Variants in ZNF883 observed in about 807,000 individuals in gnomAD.
The protein encoded by ZNF883 is zinc finger protein 883.
At chr9:112,997,312 T>G (rs1272370807) in exon 1 of ZNF883, 1 of 1,614,056 alleles carries the variant, frequency 6.2e-7, no homozygotes, top group African/African-American at 1.3e-5. Context: ...GTTTCTCTCC[T>G]GTATGCGTCC....
At chr9:113,010,181 TGAAA>T (rs752142759) in intron 2 of ZNF883, among the ~76,000 whole-genome samples, 28 of 152,116 alleles carry the variant, frequency 1.8e-4, no homozygotes, top group African/African-American at 5.8e-4. Context: ...ATTCAGTGAG[TGAAA>T]GAAAGAAAAT....
intron 2 of ZNF883, among the ~76,000 whole-genome samples, chr9:113,009,038 C>G (rs920125488): frequency 5.3e-5 from 8 of 152,098 alleles, no homozygotes; most frequent in Non-Finnish European, 1.0e-4. Flanking sequence ...CATCTTTCAC[C>G]TGGATGATTG....
intron 2 of ZNF883, among the ~76,000 whole-genome samples, chr9:113,009,242 C>T (rs1325875900): frequency 6.6e-6 from 1 of 152,140 alleles, no homozygotes; most frequent in Non-Finnish European, 1.5e-5. Flanking sequence ...CCATCACCTC[C>T]TACGTTTTCT....
At chr9:112,998,109 T>C in exon 1 of ZNF883, 3 of 1,613,922 alleles carry the variant, frequency 1.9e-6, no homozygotes, top group Non-Finnish European at 2.5e-6. Context: ...CTGTTCCGGG[T>C]AAAGGACTTA....
chr9:112,995,218 G>C (rs867698369), downstream of ZNF883, among the ~76,000 whole-genome samples: 2 of 152,252 alleles, frequency 1.3e-5, no homozygotes, highest in African/African-American at 2.4e-5. Flanking sequence ...CTGAGTAAGA[G>C]ACTTCTCTCC....
intron 2 of ZNF883, among the ~76,000 whole-genome samples, chr9:113,004,360 G>A (rs1828455621): frequency 6.6e-6 from 1 of 152,132 alleles, no homozygotes; most frequent in African/African-American, 2.4e-5. Flanking sequence ...GGAGACAAAT[G>A]CATACTCCAA....
intron 2 of ZNF883, among the ~76,000 whole-genome samples, chr9:113,010,479 C>A (rs959983767): frequency 5.0e-4 from 76 of 152,316 alleles, no homozygotes; most frequent in African/African-American, 1.8e-3. Flanking sequence ...GTTGTATACA[C>A]ATTACATGTG....
intron 2 of ZNF883, among the ~76,000 whole-genome samples, chr9:113,004,394 A>G (rs988007309): frequency 3.3e-5 from 5 of 152,204 alleles, no homozygotes; most frequent in African/African-American, 1.2e-4. Flanking sequence ...ACTTTAGCTA[A>G]GAACTAAATG....
intron 1 of ZNF883, among the ~76,000 whole-genome samples, chr9:112,991,472 T>C (rs935097080): frequency 3.7e-5 from 5 of 134,028 alleles, no homozygotes; most frequent in Middle Eastern, 3.7e-3. Flanking sequence ...TTTCAGTTCT[T>C]CTGCATTTAC....
upstream of ZNF883, among the ~76,000 whole-genome samples, chr9:113,002,370 C>T (rs564282131): frequency 7.2e-5 from 11 of 151,766 alleles, no homozygotes; most frequent in African/African-American, 1.9e-4. Flanking sequence ...GAAAATATAA[C>T]TAAATGTAAC....
chr9:112,990,879 T>C (rs2118596868), intron 1 of ZNF883, among the ~76,000 whole-genome samples: 1 of 152,146 alleles, frequency 6.6e-6, no homozygotes, highest in East Asian at 1.9e-4. Context: ...ATTTCTTCTA[T>C]ATTTCTAGCT....
chr9:112,995,481 CCCTG>C (rs898870715), downstream of ZNF883, among the ~76,000 whole-genome samples: 3 of 151,908 alleles, frequency 2.0e-5, no homozygotes, highest in Non-Finnish European at 4.4e-5. Context: ...CTCCCTTCCT[CCCTG>C]CCTTTCTCTC....
upstream of ZNF883, among the ~76,000 whole-genome samples, chr9:113,000,608 G>A (rs946220412): frequency 2.0e-5 from 3 of 152,092 alleles, no homozygotes; most frequent in Non-Finnish European, 4.4e-5. Context: ...AGATTATAGG[G>A]AATTTTTACA....
intron 1 of ZNF883, among the ~76,000 whole-genome samples, chr9:112,991,390 G>A (rs910720408): frequency 4.4e-4 from 67 of 152,216 alleles, no homozygotes; most frequent in African/African-American, 1.6e-3. Context: ...GTAGTTGTGT[G>A]GTTTTGAGTG....
Position 112,997,887 on chromosome 9 carries a change from A to G in ZNF883, n.373T>C, listed in dbSNP as rs1356255846. 6.2e-6 allele frequency: 10 copies of G among 1,613,894 alleles called. No homozygotes were observed. In the Middle Eastern group the frequency reaches 4.9e-4, roughly 80 times the overall value. On this transcript the variant is annotated non_coding_transcript_exon_variant, in exon 1 of 1. Coordinates refer to ENST00000639662, the Ensembl canonical transcript of ZNF883. The stretch of plus-strand genomic sequence containing the variant: ...GCTTTCCCACATTCATTACAAGGAT[A>G]GGGTTTTTCTCCAGTATGGATTCTC...
At chr9:113,002,462 A>T (rs995654635), upstream of ZNF883, among the ~76,000 whole-genome samples, 3 of 152,130 alleles carry the variant, frequency 2.0e-5, no homozygotes, top group African/African-American at 7.2e-5. Context: ...ACTACAGTTA[A>T]TAATAATGTA....
upstream of ZNF883, among the ~76,000 whole-genome samples, chr9:113,002,918 A>C (rs1828440303): frequency 6.6e-6 from 1 of 152,164 alleles, no homozygotes. Context: ...GTTCACTGCA[A>C]CAAGGCACCA....
intron 1 of ZNF883, among the ~76,000 whole-genome samples, chr9:112,988,869 A>G (rs1251542384): frequency 1.4e-5 from 2 of 147,952 alleles, no homozygotes; most frequent in African/African-American, 2.5e-5. Context: ...TTTGATTTGC[A>G]TTTCTCTAAT....
At chr9:112,997,635 A>G (rs1306921059) in exon 1 of ZNF883, 6 of 1,613,698 alleles carry the variant, frequency 3.7e-6, no homozygotes, top group Admixed American at 1.7e-5. Context: ...TTACATTCAT[A>G]TGGTTTCTCT....
Sources: allele counts gnomAD v4.1 joint callset (sites outside exome capture counted in the v4.1 genomes callset), GRCh38; gene constraint gnomAD v4.1.1; transcripts MANE v1.5; gene names NCBI Gene and HGNC (gene_info 2026-07-23, HGNC 2026-07-21).